CMKLR2: variants seen among roughly 807,000 people sequenced by gnomAD.
CMKLR2 encodes chemerin chemokine-like receptor 2, also known as chemerin-like receptor 2.
Under a neutral mutation model 23.0 loss-of-function variants are expected in CMKLR2, and 18 were observed. The observed-to-expected ratio is 0.78, with a 90% confidence interval of 0.54 to 1.16. The LOEUF is 1.16. Among genes scored for constraint, CMKLR2 ranks in the 50% most tolerant of loss-of-function variants. CMKLR2 has a pLI of 0.00. For missense variants in CMKLR2, 401 were observed against 412.7 expected, an observed-to-expected ratio of 0.97 and a Z score of 0.25; for synonymous variants, 158 against 158.9, an observed-to-expected ratio of 0.99 and a Z score of 0.05.
intron 1 of CMKLR2, among the ~76,000 whole-genome samples, chr2:206,192,251 A>G (rs966854291): frequency 6.6e-6 from 1 of 151,592 alleles, no homozygotes; most frequent in African/African-American, 2.4e-5. Flanking sequence ...GTGTACTAGG[A>G]TTGCAAAAAT....
chr2:206,199,212 C>A (rs1337913922), intron 1 of CMKLR2, among the ~76,000 whole-genome samples: 1 of 152,198 alleles, frequency 6.6e-6, no homozygotes, highest in African/African-American at 2.4e-5. Context: ...GCCTGGCCAA[C>A]ATGGTGAAAC....
At chr2:206,181,932 C>G (rs940560253) in intron 1 of CMKLR2, among the ~76,000 whole-genome samples, 2 of 67,682 alleles carry the variant, frequency 3.0e-5, no homozygotes, top group South Asian at 9.8e-4. Context: ...GCCTGGGTAA[C>G]AAGAGCAAAA....
chr2:206,198,761 A>G (rs1012480351), intron 1 of CMKLR2, among the ~76,000 whole-genome samples: 1 of 152,206 alleles, frequency 6.6e-6, no homozygotes, highest in South Asian at 2.1e-4. Context: ...AAAGTATGGC[A>G]AAGTCTTACT....
At chr2:206,189,846 A>C (rs1031315190) in intron 1 of CMKLR2, among the ~76,000 whole-genome samples, 2 of 152,180 alleles carry the variant, frequency 1.3e-5, no homozygotes, top group Admixed American at 1.3e-4. Flanking sequence ...GACATTGCTC[A>C]GTATTTTCCA....
intron 1 of CMKLR2, among the ~76,000 whole-genome samples, chr2:206,186,336 C>A (rs995530364): frequency 6.6e-6 from 1 of 152,128 alleles, no homozygotes; most frequent in Non-Finnish European, 1.5e-5. Flanking sequence ...TGGTCTCGAT[C>A]TCCTGACCTT....
chr2:206,182,779 G>A (rs186934897), intron 1 of CMKLR2, among the ~76,000 whole-genome samples: 6 of 152,100 alleles, frequency 3.9e-5, no homozygotes, highest in East Asian at 1.9e-4. Flanking sequence ...ACCATGCCCC[G>A]CTAATTTTTT....
intron 1 of CMKLR2, among the ~76,000 whole-genome samples, chr2:206,177,926 A>G (rs577883781): frequency 6.6e-6 from 1 of 152,304 alleles, no homozygotes; most frequent in South Asian, 2.1e-4. Flanking sequence ...ATGCATTATT[A>G]TTTTATGGCA....
chr2:206,177,347 C>A, intron 1 of CMKLR2, 72 bp from the exon 2 acceptor site: 3 of 690,716 alleles, frequency 4.3e-6, no homozygotes, highest in South Asian at 2.1e-5. Flanking sequence ...TGATAAGGAA[C>A]GTGAAGATAA....
intron 1 of CMKLR2, among the ~76,000 whole-genome samples, chr2:206,180,836 C>A (rs1038486361): frequency 2.0e-5 from 3 of 150,234 alleles, no homozygotes; most frequent in African/African-American, 7.3e-5. Flanking sequence ...CTCACTGTAA[C>A]CTCCGCCTCC....
intron 1 of CMKLR2, among the ~76,000 whole-genome samples, chr2:206,194,929 T>C (rs1307692673): frequency 6.6e-6 from 1 of 151,612 alleles, no homozygotes; most frequent in Non-Finnish European, 1.5e-5. Context: ...AATTTTTTTT[T>C]GTATTTTTAG....
upstream of CMKLR2, among the ~76,000 whole-genome samples, chr2:206,215,882 G>T (rs1339186760): frequency 2.6e-5 from 4 of 152,132 alleles, no homozygotes; most frequent in Non-Finnish European, 5.9e-5. Context: ...TATTAAGAGA[G>T]CCTTTTGTGT....
chr2:206,195,886 G>A (rs908057068), intron 1 of CMKLR2, among the ~76,000 whole-genome samples: 4 of 150,418 alleles, frequency 2.7e-5, no homozygotes, highest in African/African-American at 4.9e-5. Flanking sequence ...CCTGGGAGGC[G>A]GAGGTTGCAG....
intron 1 of CMKLR2, among the ~76,000 whole-genome samples, chr2:206,195,796 AAT>A (rs1688901739): frequency 6.6e-6 from 1 of 151,958 alleles, no homozygotes; most frequent in Admixed American, 6.6e-5. Context: ...CTCTACTAAA[AAT>A]ACAAAATTAG....
At chr2:206,213,831 G>C (rs561286434), upstream of CMKLR2, 1 of 152,220 alleles carries the variant, frequency 6.6e-6, no homozygotes, top group African/African-American at 2.4e-5. Context: ...TATTGGTTAA[G>C]TGTGAATTTT....
At chr2:206,198,700 T>G (rs1688995169) in intron 1 of CMKLR2, among the ~76,000 whole-genome samples, 1 of 152,190 alleles carries the variant, frequency 6.6e-6, no homozygotes, top group Non-Finnish European at 1.5e-5. Flanking sequence ...ATATTGTACC[T>G]CCCTCATTCC....
intron 1 of CMKLR2, among the ~76,000 whole-genome samples, chr2:206,179,231 C>T (rs1162282084): frequency 6.7e-6 from 1 of 149,396 alleles, no homozygotes; most frequent in Non-Finnish European, 1.5e-5. Context: ...TGTGCCACTA[C>T]GCCCAGCTAA....
intron 1 of CMKLR2, among the ~76,000 whole-genome samples, chr2:206,194,744 CTTTTTT>C (rs745647131): frequency 1.3e-5 from 1 of 76,820 alleles, no homozygotes; most frequent in African/African-American, 5.1e-5. Context: ...CCATCATAGA[CTTTTTT>C]TTTTTTTTTT....
intron 1 of CMKLR2, among the ~76,000 whole-genome samples, chr2:206,207,528 CAT>C (rs1484180063): frequency 4.6e-5 from 7 of 152,214 alleles, no homozygotes; most frequent in South Asian, 2.1e-4. Flanking sequence ...GCACTTAACA[CAT>C]ATAGTAATAC....
chr2:206,177,356 A>T, intron 1 of CMKLR2, 81 bp from the exon 2 acceptor site: 1 of 680,260 alleles, frequency 1.5e-6, no homozygotes, highest in Non-Finnish European at 2.5e-6. Context: ...ACGTGAAGAT[A>T]AAAATATTTC....
Sources: gnomAD v4.1 joint callset for allele counts (sites outside exome capture counted in the v4.1 genomes callset) on GRCh38, gnomAD v4.1.1 for gene constraint, MANE v1.5 for transcripts, NCBI Gene and HGNC (gene_info 2026-07-23, HGNC 2026-07-21) for gene names.